Variants in CACTIN observed in about 807,000 individuals in gnomAD.
CACTIN encodes splicing factor Cactin.
In CACTIN, 20 loss-of-function variants were observed where a neutral mutation model predicts 84.9. The observed-to-expected ratio is 0.24, with a 90% CI of 0.17 to 0.34. CACTIN has a LOEUF of 0.34. CACTIN is among the 10% of genes least tolerant of loss of function. The probability of loss-of-function intolerance (pLI) is 1.00; values close to 1 mark genes in which losing one functional copy is unlikely to be tolerated. For missense variants in CACTIN, 897 were observed against 1,117.2 expected (o/e 0.80, Z 2.81); for synonymous variants, 549 against 467.9 (o/e 1.17, Z -2.24).
chr19:3,614,353 C>G (rs1311742297), intron 7 of CACTIN, 44 bp downstream of exon 7: 3 of 1,540,848 alleles, frequency 1.9e-6, no homozygotes, highest in Non-Finnish European at 2.6e-6. Flanking sequence ...GAAACCCATC[C>G]CACCCGGACG....
chr19:3,622,524 G>A lies in CACTIN; in HGVS notation c.642+1164C>T, dbSNP rs189668186. ...CAGAAGGCCGTATGGAGACAGAGAC[G>A]GGAAGGCAGACCGCCACACAACACA... On this transcript the variant is annotated intron_variant, in intron 2 of 9. Coordinates refer to ENST00000429344, the MANE Select transcript of CACTIN (RefSeq NM_001080543.2). 4.5e-3 allele frequency among the ~76,000 whole-genome samples: 687 copies of A among 152,264 alleles called. 3 individuals carry two copies. The highest frequency in any genetic ancestry group is 0.016 in the African/African-American group (655 of 41,550).
Position 3,620,225 on chromosome 19 carries a change from C to T in CACTIN, c.786G>A (p.Glu262=). The part of the protein sequence containing the change: ...LEREREKAMR[E]QELEMLQREK... ...CGCGCTGCAGCATCTCCAGCTCCTG[C>T]TCGCGCATGGCCTTCTCCCGCTCCC... is the stretch of plus-strand genomic sequence containing the variant. Residue 262 remains glutamate (E), a synonymous_variant, in exon 4 of 10, where the codon GAG becomes GAA. Transcript: ENST00000429344. 1 of 1,600,946 alleles carries T rather than the reference C, an allele frequency of 6.2e-7. No homozygotes were observed.
At chr19:3,613,770 G>A (rs982229010) in intron 7 of CACTIN, 184 bp from the exon 8 acceptor site, 8 of 767,880 alleles carry the variant, frequency 1.0e-5, no homozygotes, top group African/African-American at 3.6e-5. Flanking sequence ...GAGAGAGGAC[G>A]AGAGGACGCA....
chr19:3,623,886 C>T lies in CACTIN; in HGVS notation c.444G>A (p.Glu148=). 1 of 1,607,186 alleles carries T rather than the reference C, an allele frequency of 6.2e-7. No homozygotes were observed. Among genetic ancestry groups the T allele is most frequent in the Non-Finnish European group, 8.5e-7 (1 of 1,179,718 alleles). ...TCAGCTCCTCCTGCTGCTTCCGCTC[C>T]TCCCGCAGCCGCAGCCGCTCCTGCA... ...QSLQERLRLR[E]ERKQQEELMK... The change falls in exon 2 of 10, where the codon GAG becomes GAA. Residue 148 remains glutamate, a synonymous_variant. Coordinates refer to ENST00000429344, the MANE Select transcript of CACTIN (RefSeq NM_001080543.2).
At chr19:3,621,832 G>A (rs1047170561) in intron 2 of CACTIN, among the ~76,000 whole-genome samples, 5 of 152,206 alleles carry the variant, frequency 3.3e-5, no homozygotes, top group Non-Finnish European at 7.3e-5. Flanking sequence ...AGGCAGGGGC[G>A]CGGCAGTGTG....
At position 3,619,111 on chromosome 19, in the gene CACTIN, G is replaced by A. The variant is rs964784661; in HGVS notation, c.1016C>T (p.Ala339Val). 4 of 1,580,170 alleles carry A rather than the reference G, an allele frequency of 2.5e-6. No individual in the cohort carries two copies. Among genetic ancestry groups the A allele is most frequent in the Non-Finnish European group, 3.4e-6 (4 of 1,163,900 alleles). Reference sequence around the variant, plus strand: ...ATCCTCCAGCAGGTCCTCCATGTCGGCCACGGTGAGGCCGTTGAGGAACGT... The same window carrying A: ...ATCCTCCAGCAGGTCCTCCATGTCGACCACGGTGAGGCCGTTGAGGAACGT... ...PYTFLNGLTV[A>V]DMEDLLEDIQ... The change falls in exon 5 of 10, where the codon GCC becomes GTC. Residue 339 changes from alanine (A) to valine (V), a missense_variant. By Grantham distance (64) the Ala-to-Val change is moderately conservative. Around this residue, in one of 8 missense-constraint regions of CACTIN, gnomAD observed 304 missense variants for 444.3 expected, o/e 0.68. Coordinates refer to ENST00000429344, the MANE Select transcript of CACTIN (RefSeq NM_001080543.2).
chr19:3,614,074 C>A, intron 7 of CACTIN: 1 of 508,608 alleles, frequency 2.0e-6, no homozygotes, highest in Non-Finnish European at 3.6e-6. Context: ...TGGGGGCTTC[C>A]TGTGATGCCA....
chr19:3,612,917 G>A (rs1442020674), intron 9 of CACTIN, 141 bp downstream of exon 9: 2 of 1,055,686 alleles, frequency 1.9e-6, no homozygotes, highest in Admixed American at 2.0e-5. Context: ...GTGACGGAAT[G>A]CACGCTCAGA....
intron 6 of CACTIN, among the ~76,000 whole-genome samples, chr19:3,618,562 C>A (rs2033155649): frequency 6.6e-6 from 1 of 152,392 alleles, no homozygotes; most frequent in South Asian, 2.1e-4. Flanking sequence ...CAGGCAGAGC[C>A]ACTGAGAGCA....
chr19:3,620,399 G>T (rs778968399), intron 3 of CACTIN, 127 bp from the exon 4 acceptor site: 3 of 1,104,842 alleles, frequency 2.7e-6, no homozygotes, highest in South Asian at 1.3e-5. Context: ...GTCCGGAGAT[G>T]CCTGGGCTGG....
At chr19:3,614,264 G>C (rs2033053709) in intron 7 of CACTIN, 133 bp downstream of exon 7, 4 of 939,682 alleles carry the variant, frequency 4.3e-6, no homozygotes, top group South Asian at 3.1e-5. Context: ...CCGGCCAGTC[G>C]GCACTTTCCT....
chr19:3,614,338 G>A (rs1005433883), intron 7 of CACTIN, 59 bp downstream of exon 7: 25 of 1,509,844 alleles, frequency 1.7e-5, no homozygotes, highest in African/African-American at 2.8e-5. Context: ...GACTCAGGAG[G>A]GGGCGAAACC....
intron 2 of CACTIN, among the ~76,000 whole-genome samples, chr19:3,622,371 A>AG (rs2033242421): frequency 6.6e-6 from 1 of 151,380 alleles, no homozygotes; most frequent in Non-Finnish European, 1.5e-5. Context: ...CTCAAAAAAA[A>AG]AAAAAAAAAA....
chr19:3,614,753 C>T, intron 6 of CACTIN, 164 bp from the exon 7 acceptor site: 1 of 642,608 alleles, frequency 1.6e-6, no homozygotes, highest in Non-Finnish European at 2.8e-6. Context: ...GTTGTCCCCA[C>T]CCTGGCCACA....
rs2033008211 is a variant in CACTIN, at chr19:3,613,116, C to T, written c.1728G>A (p.Leu576=). 1.2e-6 allele frequency: 2 copies of T among 1,604,662 alleles called. No homozygotes were observed. The highest frequency in any genetic ancestry group is 4.5e-5 in the East Asian group (2 of 44,772). ...AHELPLDAHV[L]EPDEDLQRLQ... is the part of the protein sequence containing the mutation. ...GGCGCTGCAGGTCCTCATCCGGTTCCAGCACGTGCGCGTCCAGTGGCAGCT... is the reference window on the plus strand; with the variant it reads ...GGCGCTGCAGGTCCTCATCCGGTTCTAGCACGTGCGCGTCCAGTGGCAGCT... The change falls in exon 9 of 10, where the codon CTG becomes CTA. Residue 576 remains leucine, a synonymous_variant. Transcript: ENST00000429344.
In CACTIN at chr19:3,626,663, G is replaced by A; in HGVS notation, c.100C>T (p.Arg34Trp). The A allele has an allele frequency of 6.5e-7, 1 of 1,533,796 alleles. No homozygotes were observed. Among genetic ancestry groups the A allele is most frequent in the Non-Finnish European group, 8.7e-7 (1 of 1,149,160 alleles). The stretch of plus-strand genomic sequence containing the variant: ...TCCTCCCGGCGCCGTCGGTTTCGCC[G>A]CCCATGGCTCCTGCTCCGACTTCGG... ...GSRSRSRSHG[R>W]RNRRRREDEG... is the part of the protein sequence containing the mutation. The change falls in exon 1 of 10, where the codon CGG becomes TGG. Residue 34 changes from arginine to tryptophan, a missense_variant. By Grantham distance (101) the Arg-to-Trp change is moderately radical. Coordinates refer to ENST00000429344, the MANE Select transcript of CACTIN (RefSeq NM_001080543.2).
In CACTIN at chr19:3,620,270, C is replaced by T. The variant is rs2145329019; in HGVS notation, c.741G>A (p.Val247=). Residue 247 remains valine, a splice_region_variant and synonymous_variant, in exon 4 of 10, where the codon GTG becomes GTA. Coordinates refer to ENST00000429344, the MANE Select transcript of CACTIN (RefSeq NM_001080543.2). ...QEDNRLELQK[V]KQLRLERERE... Reference sequence around the variant, plus strand: ...GCTCCCGCTCCAGCCGCAGCTGCTTCACCTGCAGGCACAGGAGGCTGAGGG... The same window carrying T: ...GCTCCCGCTCCAGCCGCAGCTGCTTTACCTGCAGGCACAGGAGGCTGAGGG... The T allele has an allele frequency of 1.3e-6, 2 of 1,563,198 alleles. No individual in the cohort carries two copies. The highest frequency in any genetic ancestry group is 2.3e-5 in the South Asian group (2 of 86,140).
chr19:3,613,022 C>A lies in CACTIN; in HGVS notation c.1786+36G>T, dbSNP rs551603838. The A allele has an allele frequency of 1.1e-4, 160 of 1,495,872 alleles. 2 individuals carry two copies. In the East Asian group the frequency reaches 3.8e-3, roughly 36 times the overall value. The allele number at this position is 1,495,872 out of a possible 1,614,324, so 92.7% of individuals were successfully genotyped here. A position where few individuals can be genotyped will look rare whatever the true frequency, so the allele number is the denominator to read the frequency against. ...GAAGCCCCGCCCCCAGCTCGCCCCA[C>A]TGGCCCCACCCCCTGGCCTCCAGCC... On this transcript the variant is annotated intron_variant, in intron 9 of 9. Coordinates refer to ENST00000429344, the MANE Select transcript of CACTIN (RefSeq NM_001080543.2).
At position 3,611,977 on chromosome 19, in the gene CACTIN, G is replaced by A; in HGVS notation, c.2223C>T (p.Ala741=). 6.2e-7 allele frequency: 1 copy of A among 1,613,688 alleles called. No homozygotes were observed. Among genetic ancestry groups the A allele is most frequent in the African/African-American group, 1.3e-5 (1 of 75,074 alleles). ...GAAACCACAGCTGGAAGATGCCGTT[G>A]GCAAACTGGCAGCGGAAGCCGTGGC... is the stretch of plus-strand genomic sequence containing the variant. ...SHRHGFRCQF[A]NGIFQLWFHF... is the part of the protein sequence containing the mutation. Residue 741 remains alanine (A), a synonymous_variant, in exon 10 of 10, where the codon GCC becomes GCT. Transcript: ENST00000429344.
Sources: gnomAD v4.1 joint callset for allele counts (sites outside exome capture counted in the v4.1 genomes callset) on GRCh38, gnomAD v4.1.1 for gene constraint, gnomAD v4.1.1 regional missense constraint, MANE v1.5 for transcripts, NCBI Gene and HGNC (gene_info 2026-07-23, HGNC 2026-07-21) for gene names.